CBLN2: variants seen among roughly 807,000 people sequenced by gnomAD.
The protein encoded by CBLN2 is cerebellin 2 precursor.
In CBLN2, 7 loss-of-function variants were observed where a neutral mutation model predicts 15.0. That is an observed-to-expected ratio of 0.47 (90% CI 0.27 to 0.88). The LOEUF (loss-of-function observed/expected upper bound fraction) is 0.88. Among genes scored for constraint, CBLN2 ranks in the 40% least tolerant of loss-of-function variants. The probability of loss-of-function intolerance (pLI) is 0.14; values close to 1 mark genes in which losing one functional copy is unlikely to be tolerated. For missense variants in CBLN2, 242 were observed against 304.5 expected (o/e 0.79, Z 1.53); for synonymous variants, 149 against 135.2 (o/e 1.10, Z -0.71).
In CBLN2 at chr18:72,536,718, T is replaced by C. The variant is rs1161528998; in HGVS notation, c.*1458A>G. 2 of 152,676 alleles carry C rather than the reference T, an allele frequency of 1.3e-5. No individual in the cohort carries two copies. Among genetic ancestry groups the C allele is most frequent in the African/African-American group, 4.8e-5 (2 of 41,464 alleles). 9.5% of individuals were successfully genotyped at this position (152,676 alleles called of 1,614,324 possible). ...CCCATTTATTCTGAATCTTAAATTA[T>C]GACTTTTATCATCAATATTTTGGTT... On this transcript the variant is annotated 3_prime_UTR_variant, in exon 5 of 5. Transcript: ENST00000269503.
At chr18:72,599,854 T>C (rs1174470048) in intron 1 of CBLN2, among the ~76,000 whole-genome samples, 1 of 152,212 alleles carries the variant, frequency 6.6e-6, no homozygotes, top group Non-Finnish European at 1.5e-5. Context: ...GTGAAACAGT[T>C]TGAGAGCTGA....
chr18:72,591,206 C>T (rs958383029), intron 1 of CBLN2, among the ~76,000 whole-genome samples: 2 of 152,132 alleles, frequency 1.3e-5, no homozygotes, highest in Non-Finnish European at 2.9e-5. Flanking sequence ...ACACTAGATA[C>T]AGTTGCTGAC....
At chr18:72,602,081 A>C (rs1487357072) in intron 1 of CBLN2, among the ~76,000 whole-genome samples, 1 of 152,128 alleles carries the variant, frequency 6.6e-6, no homozygotes, top group Non-Finnish European at 1.5e-5. Flanking sequence ...CTGCAGACTG[A>C]CTGCACCAGG....
chr18:72,615,772 T>C (rs1256909272), intron 1 of CBLN2, among the ~76,000 whole-genome samples: 1 of 152,164 alleles, frequency 6.6e-6, no homozygotes, highest in African/African-American at 2.4e-5. Context: ...ATTTCTACAA[T>C]ATAACAAATG....
intron 1 of CBLN2, among the ~76,000 whole-genome samples, chr18:72,607,687 C>CTCTCTCTT (rs1437142133): frequency 1.3e-5 from 2 of 152,048 alleles, no homozygotes; most frequent in Admixed American, 1.3e-4. Context: ...ACCTCTCTCT[C>CTCTCTCTT]TCTCTCTTTC....
At chr18:72,563,043 G>C (rs1236570978) in intron 1 of CBLN2, among the ~76,000 whole-genome samples, 1 of 152,168 alleles carries the variant, frequency 6.6e-6, no homozygotes, top group Non-Finnish European at 1.5e-5. Flanking sequence ...ATTAAAATCA[G>C]CACATATAGA....
At chr18:72,615,531 C>A (rs543833685) in intron 1 of CBLN2, among the ~76,000 whole-genome samples, 41 of 152,030 alleles carry the variant, frequency 2.7e-4, no homozygotes, top group Non-Finnish European at 4.9e-4. Context: ...CCTGCCTTGG[C>A]TTCCCAAAGT....
intron 1 of CBLN2, among the ~76,000 whole-genome samples, chr18:72,621,528 G>A (rs1328187824): frequency 6.6e-6 from 1 of 152,014 alleles, no homozygotes; most frequent in African/African-American, 2.4e-5. Flanking sequence ...TTATTACCTT[G>A]TGTTGTAAGC....
chr18:72,598,052 T>C (rs999093120), intron 1 of CBLN2, among the ~76,000 whole-genome samples: 3 of 152,190 alleles, frequency 2.0e-5, no homozygotes, highest in Non-Finnish European at 4.4e-5. Context: ...GCTGATCTAG[T>C]ACCCAAGCTT....
At chr18:72,617,883 A>T (rs1185248562) in intron 1 of CBLN2, among the ~76,000 whole-genome samples, 1 of 152,190 alleles carries the variant, frequency 6.6e-6, no homozygotes, top group Non-Finnish European at 1.5e-5. Flanking sequence ...TTGTTAAGAA[A>T]AAAGAGAGTA....
At chr18:72,542,913 AC>A (rs2069128598) in intron 2 of CBLN2, 1 of 57,640 alleles carries the variant, frequency 1.7e-5, no homozygotes, top group Non-Finnish European at 3.5e-5. Context: ...ATGACACCAC[AC>A]ACACACACAC....
intron 1 of CBLN2, among the ~76,000 whole-genome samples, chr18:72,567,662 G>T (rs182616516): frequency 6.6e-6 from 1 of 152,114 alleles, no homozygotes; most frequent in Non-Finnish European, 1.5e-5. Flanking sequence ...CCTCTAAGAT[G>T]AGTTCTCATC....
At chr18:72,637,134 T>C (rs932960734) in intron 1 of CBLN2, among the ~76,000 whole-genome samples, 2 of 152,110 alleles carry the variant, frequency 1.3e-5, no homozygotes, top group Admixed American at 1.3e-4. Context: ...TTTCCTCTTA[T>C]ATGAATTTTG....
chr18:72,539,162 C>A, intron 3 of CBLN2: 1 of 162,520 alleles, frequency 6.2e-6, no homozygotes, highest in Admixed American at 6.0e-5. Context: ...CAGCATGATG[C>A]CTTGTTTGAC....
intron 1 of CBLN2, among the ~76,000 whole-genome samples, chr18:72,575,742 G>C (rs2069362209): frequency 1.3e-5 from 2 of 152,148 alleles, no homozygotes; most frequent in African/African-American, 2.4e-5. Context: ...ATTCTAAAAG[G>C]GCCAGGGGTA....
At chr18:72,589,909 G>A (rs1047862502) in intron 1 of CBLN2, among the ~76,000 whole-genome samples, 1 of 152,158 alleles carries the variant, frequency 6.6e-6, no homozygotes, top group Non-Finnish European at 1.5e-5. Context: ...GAGGTGAGCA[G>A]ATCACTTGAG....
At chr18:72,562,427 G>A (rs1405080298) in intron 1 of CBLN2, among the ~76,000 whole-genome samples, 1 of 152,132 alleles carries the variant, frequency 6.6e-6, no homozygotes, top group Non-Finnish European at 1.5e-5. Flanking sequence ...CATTTTGTTT[G>A]GGAAGAATGT....
intron 1 of CBLN2, among the ~76,000 whole-genome samples, chr18:72,588,709 A>G (rs1156399056): frequency 1.3e-5 from 2 of 152,144 alleles, no homozygotes; most frequent in Non-Finnish European, 2.9e-5. Context: ...AAGTGTTGGC[A>G]AAAGTGAAGC....
At chr18:72,596,335 C>T (rs1323449690) in intron 1 of CBLN2, among the ~76,000 whole-genome samples, 2 of 151,974 alleles carry the variant, frequency 1.3e-5, no homozygotes, top group Non-Finnish European at 2.9e-5. Context: ...CATCCTCCTG[C>T]TTCTTAACTT....
Sources: gnomAD v4.1 joint callset for allele counts (sites outside exome capture counted in the v4.1 genomes callset) on GRCh38, gnomAD v4.1.1 for gene constraint, MANE v1.5 for transcripts, NCBI Gene and HGNC (gene_info 2026-07-23, HGNC 2026-07-21) for gene names.